GK5: variants seen among roughly 807,000 people sequenced by gnomAD.
The protein encoded by GK5 is glycerol kinase 5.
Under a neutral mutation model 77.3 loss-of-function variants are expected in GK5, and 39 were observed. That is an observed-to-expected ratio of 0.50 (90% CI 0.39 to 0.66). GK5 has a LOEUF of 0.66. GK5 is among the 30% of genes least tolerant of loss of function. The pLI, the probability that GK5 is intolerant of heterozygous loss-of-function variation, is 0.00. For synonymous variants in GK5, 211 were observed against 208.0 expected (o/e 1.01, Z -0.13); for missense variants, 487 against 633.8 (o/e 0.77, Z 2.49).
chr3:142,202,397 G>A (rs761095765), intron 4 of GK5, among the ~76,000 whole-genome samples: 3 of 152,140 alleles, frequency 2.0e-5, no homozygotes, highest in Non-Finnish European at 2.9e-5. Context: ...TGACATTGGT[G>A]CCAGTTCTGG....
intron 5 of GK5, among the ~76,000 whole-genome samples, chr3:142,195,995 C>T (rs1169383577): frequency 6.6e-6 from 1 of 152,160 alleles, no homozygotes; most frequent in African/African-American, 2.4e-5. Flanking sequence ...TTTATTACTT[C>T]AATCTCTTTA....
In GK5 at chr3:142,186,365, A is replaced by G. The variant is rs1445102211; in HGVS notation, c.681+87T>C. On this transcript the variant is annotated intron_variant, in intron 7 of 15. Transcript: ENST00000392993. ...CATGTTGTACATGATATATTTGTCA[A>G]TTAAAAATAAACTAATTTTAAAAAT... is the stretch of plus-strand genomic sequence containing the variant. 8 of 1,008,686 alleles carry G rather than the reference A, an allele frequency of 7.9e-6. No homozygotes were observed. In the East Asian group the frequency reaches 2.1e-4, roughly 27 times the overall value. 62.5% of individuals were successfully genotyped at this position (1,008,686 alleles called of 1,614,324 possible).
intron 1 of GK5, among the ~76,000 whole-genome samples, chr3:142,216,987 T>G (rs1049802656): frequency 5.3e-5 from 8 of 152,218 alleles, no homozygotes; most frequent in Admixed American, 2.6e-4. Flanking sequence ...ATAGGATTTA[T>G]AAAAACCCCA....
chr3:142,162,288 G>A lies in GK5; in HGVS notation c.*3334C>T, dbSNP rs1007768790. On this transcript the variant is annotated 3_prime_UTR_variant, in exon 16 of 16. Transcript: ENST00000392993. ...CCTGTATCAGTGGCTCTCAACTGGG[G>A]GCAATTTTGCCTCTCAGAATGGCAA... 1 of 152,098 alleles carries A rather than the reference G, an allele frequency of 6.6e-6. No homozygotes were observed. Among genetic ancestry groups the A allele is most frequent in the Non-Finnish European group, 1.5e-5 (1 of 68,022 alleles). The allele number at this position is 152,098 out of a possible 1,614,324, so 9.4% of individuals were successfully genotyped here.
chr3:142,225,459 G>C lies in GK5; in HGVS notation c.-4C>G, dbSNP rs760346973. On this transcript the variant is annotated 5_prime_UTR_variant, in exon 1 of 16. In the 5' UTR this introduces an upstream ATG that the reference lacks. Coordinates refer to ENST00000392993, the MANE Select transcript of GK5 (RefSeq NM_001039547.3). ...GGTCCGTGAGCAGCCCCGACATCCC[G>C]ATCCCGCACGCCTCTCCGCTACAGC... 1 of 1,601,232 alleles carries C rather than the reference G, an allele frequency of 6.2e-7. No individual in the cohort carries two copies. The highest frequency in any genetic ancestry group is 1.7e-5 in the Admixed American group (1 of 59,568).
intron 12 of GK5, among the ~76,000 whole-genome samples, chr3:142,176,658 ATTTTT>A (rs1219207632): frequency 5.4e-4 from 57 of 105,192 alleles, no homozygotes; most frequent in Non-Finnish European, 5.7e-5. Context: ...GGAGATTTTG[ATTTTT>A]TTTTTTTTTT....
At chr3:142,195,956 T>C (rs1315368377) in intron 5 of GK5, among the ~76,000 whole-genome samples, 1 of 152,234 alleles carries the variant, frequency 6.6e-6, no homozygotes, top group Non-Finnish European at 1.5e-5. Context: ...GCCATCTGGC[T>C]CTGGGCTTTT....
At chr3:142,177,604 C>G (rs745935480) in intron 11 of GK5, 28 bp from the exon 12 acceptor site, 1 of 1,402,792 alleles carries the variant, frequency 7.1e-7, no homozygotes, top group African/African-American at 1.4e-5. Context: ...CAACAAAAAA[C>G]CCTAAAACAA....
intron 1 of GK5, among the ~76,000 whole-genome samples, chr3:142,216,685 A>G (rs1190263234): frequency 2.0e-5 from 3 of 152,156 alleles, no homozygotes; most frequent in African/African-American, 7.2e-5. Flanking sequence ...AGGAACTTGG[A>G]AAAGATACCA....
At position 142,169,555 on chromosome 3, in the gene GK5, T is replaced by C. The variant is rs116554404; in HGVS notation, c.1441+770A>G. On this transcript the variant is annotated intron_variant, in intron 15 of 15. Coordinates refer to ENST00000392993, the MANE Select transcript of GK5 (RefSeq NM_001039547.3). ...CTCTTTGGCTATAATTTCTCACTTT[T>C]CCTTATTGTATTCAAAGTTGAGCCT... Among the ~76,000 whole-genome samples the C allele has an allele frequency of 3.6e-3, 544 of 152,236 alleles. 2 individuals are homozygous for C. The highest frequency in any genetic ancestry group is 0.012 in the African/African-American group (494 of 41,544).
intron 1 of GK5, among the ~76,000 whole-genome samples, chr3:142,217,585 A>T (rs1451750451): frequency 6.6e-6 from 1 of 151,970 alleles, no homozygotes. Flanking sequence ...AAGGGTTCAG[A>T]ACAGGAAAAA....
At chr3:142,179,485 C>T (rs2107772035) in intron 11 of GK5, among the ~76,000 whole-genome samples, 1 of 152,238 alleles carries the variant, frequency 6.6e-6, no homozygotes, top group East Asian at 1.9e-4. Context: ...AGTTTGAATC[C>T]AGCCTGGGCA....
At chr3:142,198,432 G>A (rs921918217) in intron 5 of GK5, among the ~76,000 whole-genome samples, 8 of 152,000 alleles carry the variant, frequency 5.3e-5, no homozygotes, top group African/African-American at 1.9e-4. Context: ...GGCCAACATG[G>A]TGAAACCTCA....
intron 10 of GK5, 67 bp from the exon 11 acceptor site, chr3:142,181,632 GT>G: frequency 3.6e-6 from 4 of 1,120,910 alleles, no homozygotes; most frequent in Non-Finnish European, 5.3e-6. Flanking sequence ...CTTCTACAAT[GT>G]AATGATTTGG....
At chr3:142,198,195 T>G (rs1055074568) in intron 5 of GK5, among the ~76,000 whole-genome samples, 4 of 151,948 alleles carry the variant, frequency 2.6e-5, no homozygotes, top group African/African-American at 9.7e-5. Context: ...TATGGTAAAA[T>G]CATACATTGA....
chr3:142,181,151 T>A (rs2063692159), intron 11 of GK5, among the ~76,000 whole-genome samples: 1 of 152,362 alleles, frequency 6.6e-6, no homozygotes, highest in South Asian at 2.1e-4. Context: ...TGTTATTAAT[T>A]TTTCTGACAT....
At chr3:142,193,195 A>G (rs1374973507) in intron 5 of GK5, among the ~76,000 whole-genome samples, 2 of 152,232 alleles carry the variant, frequency 1.3e-5, no homozygotes, top group Non-Finnish European at 2.9e-5. Context: ...GTAAGGGCAT[A>G]TGGAAACTAT....
chr3:142,173,211 A>AAAAAACACC (rs1560210793), intron 12 of GK5: 1 of 446,758 alleles, frequency 2.2e-6, no homozygotes, highest in Non-Finnish European at 4.5e-6. Flanking sequence ...AAAAAAAAAA[A>AAAAAACACC]AAAACACCAC....
At chr3:142,200,098 TACACAC>T (rs202073717) in intron 4 of GK5, among the ~76,000 whole-genome samples, 1 of 148,794 alleles carries the variant, frequency 6.7e-6, no homozygotes, top group African/African-American at 2.5e-5. Flanking sequence ...TATATATATA[TACACAC>T]ACACACACAC....
Sources: gnomAD v4.1 joint callset for allele counts (sites outside exome capture counted in the v4.1 genomes callset) on GRCh38, gnomAD v4.1.1 for gene constraint, MANE v1.5 for transcripts, NCBI Gene and HGNC (gene_info 2026-07-23, HGNC 2026-07-21) for gene names.